CAST: variants seen among roughly 807,000 people sequenced by gnomAD.
CAST encodes calpastatin, also known as MIR583 host.
Under a neutral mutation model 119.6 loss-of-function variants are expected in CAST, and 76 were observed. The observed-to-expected ratio is 0.64, with a 90% CI of 0.53 to 0.77. The LOEUF is 0.77. Among genes scored for constraint, CAST ranks in the 30% least tolerant of loss-of-function variants. CAST has a pLI of 0.00. For missense variants in CAST, 953 were observed against 946.5 expected (o/e 1.01, Z -0.09); for synonymous variants, 319 against 331.6 (o/e 0.96, Z 0.41).
the CAST span, among the ~76,000 whole-genome samples, chr5:96,157,569 C>G: frequency 2.9e-4 from 44 of 152,282 alleles, no homozygotes; most frequent in African/African-American, 9.6e-4. Context: ...ATGCCACACC[C>G]ACAGCATACC....
At chr5:96,040,074 A>T in the CAST span, among the ~76,000 whole-genome samples, 2 of 152,224 alleles carry the variant, frequency 1.3e-5, no homozygotes, top group South Asian at 4.1e-4. Context: ...GTTCTCCTTG[A>T]AGAGATCCTT....
rs1390924882 is a variant in CAST at position 96,663,066 on chromosome 5, G to A, written c.75+569G>A. On this transcript the variant is annotated intron_variant, in intron 1 of 31. Coordinates refer to ENST00000675179, the MANE Select transcript of CAST (RefSeq NM_001750.7). Reference sequence around the variant, plus strand: ...CGGCCAAGCGGAGTGTGAGCCCGGCGCCTCCAACGCAACACCCCGCGCCCT... The same window carrying A: ...CGGCCAAGCGGAGTGTGAGCCCGGCACCTCCAACGCAACACCCCGCGCCCT... 1.3e-5 allele frequency: 9 copies of A among 700,998 alleles called. No individual in the cohort carries two copies. The Admixed American group carries it at 1.8e-4, about 14-fold the overall frequency. 43.4% of individuals were successfully genotyped at this position (700,998 alleles called of 1,614,324 possible).
chr5:96,297,362 A>G, the CAST span, among the ~76,000 whole-genome samples: 1 of 152,176 alleles, frequency 6.6e-6, no homozygotes, highest in African/African-American at 2.4e-5. Context: ...ACAATTTCTT[A>G]TTTCTACTCT....
chr5:96,140,980 T>C, the CAST span, among the ~76,000 whole-genome samples: 2 of 152,368 alleles, frequency 1.3e-5, no homozygotes, highest in South Asian at 2.1e-4. Flanking sequence ...AGCTGGATCT[T>C]CTTTAGTTAA....
At chr5:96,566,008 C>A (rs1192195445) in intron 1 of CAST, among the ~76,000 whole-genome samples, 5 of 152,090 alleles carry the variant, frequency 3.3e-5, no homozygotes, top group Admixed American at 6.5e-5. Flanking sequence ...AATCATCAGC[C>A]CTAGTATCCC....
the CAST span, among the ~76,000 whole-genome samples, chr5:96,107,352 C>T: frequency 6.3e-4 from 96 of 152,126 alleles, 1 homozygote; most frequent in Middle Eastern, 6.8e-3. Flanking sequence ...GATTTTGCAG[C>T]GGCTGGTGCC....
chr5:96,230,187 C>T, the CAST span, among the ~76,000 whole-genome samples: 1 of 152,118 alleles, frequency 6.6e-6, no homozygotes, highest in Non-Finnish European at 1.5e-5. Context: ...GGGTTTCTGA[C>T]TTCTTTCCTA....
At chr5:96,305,491 T>A in the CAST span, among the ~76,000 whole-genome samples, 28 of 152,206 alleles carry the variant, frequency 1.8e-4, no homozygotes, top group Non-Finnish European at 3.8e-4. Flanking sequence ...CAACGCTATG[T>A]TGAATAGGAG....
chr5:96,741,885 A>G (rs1001965078), intron 15 of CAST: 1 of 264,480 alleles, frequency 3.8e-6, no homozygotes, highest in Non-Finnish European at 7.3e-6. Flanking sequence ...TAAAACCTTC[A>G]AGTTTGATTG....
chr5:96,226,097 T>C, the CAST span, among the ~76,000 whole-genome samples: 3 of 152,294 alleles, frequency 2.0e-5, no homozygotes, highest in Admixed American at 2.0e-4. Context: ...ATAAAAATAG[T>C]GTCAATATGA....
intron 1 of CAST, among the ~76,000 whole-genome samples, chr5:96,597,794 C>A (rs1747078597): frequency 6.6e-6 from 1 of 152,076 alleles, no homozygotes; most frequent in Admixed American, 6.6e-5. Context: ...TCATTATAAC[C>A]CTGCTAAGTA....
the CAST span, among the ~76,000 whole-genome samples, chr5:96,074,705 C>G: frequency 6.6e-6 from 1 of 152,106 alleles, no homozygotes; most frequent in Admixed American, 6.5e-5. Flanking sequence ...TACCTTGGCT[C>G]TGAGATGGGG....
At chr5:96,188,634 C>A in the CAST span, among the ~76,000 whole-genome samples, 1 of 152,028 alleles carries the variant, frequency 6.6e-6, no homozygotes, top group African/African-American at 2.4e-5. Context: ...TCTTTCCCTC[C>A]CCCCTTTAAT....
chr5:95,991,552 C>A, the CAST span, among the ~76,000 whole-genome samples: 1 of 128,076 alleles, frequency 7.8e-6, no homozygotes, highest in African/African-American at 3.1e-5. Flanking sequence ...GTCACCCAGG[C>A]TAGAGTGTAA....
the CAST span, among the ~76,000 whole-genome samples, chr5:96,456,836 C>G: frequency 1.3e-5 from 2 of 152,126 alleles, no homozygotes; most frequent in Non-Finnish European, 2.9e-5. Flanking sequence ...GGGGGTAGTT[C>G]CCCCATCCTG....
the CAST span, among the ~76,000 whole-genome samples, chr5:96,422,947 A>G: frequency 1.4e-5 from 2 of 145,070 alleles, no homozygotes; most frequent in Non-Finnish European, 2.9e-5. Flanking sequence ...CTCATAAAAG[A>G]GGTGAGGAGG....
In CAST at chr5:96,767,978, A is replaced by C; in HGVS notation, c.2247A>C (p.Glu749Asp). 6.2e-7 allele frequency: 1 copy of C among 1,612,024 alleles called. No individual in the cohort carries two copies. Among genetic ancestry groups the C allele is most frequent in the Admixed American group, 1.7e-5 (1 of 59,982 alleles). Residue 749 changes from glutamate (E) to aspartate (D), a missense_variant, in exon 29 of 32, where the codon GAA becomes GAC. By Grantham distance (45) the Glu-to-Asp change is conservative. Coordinates refer to ENST00000675179, the MANE Select transcript of CAST (RefSeq NM_001750.7). Reference protein sequence around the residue: ...GDLDSCPSTTETSQNTAKDKC... With the variant: ...GDLDSCPSTTDTSQNTAKDKC... ...TGGACAGCTGTCCCTCCACTACAGA[A>C]ACCTCACAGAACACAGCAAAGGTAC...
the CAST span, among the ~76,000 whole-genome samples, chr5:96,098,063 G>GC: frequency 3.3e-5 from 5 of 152,122 alleles, no homozygotes; most frequent in Admixed American, 2.6e-4. Flanking sequence ...GTTTTGATTT[G>GC]CATTTCTCTA....
chr5:96,550,078 C>A (rs766980141), intron 1 of CAST, among the ~76,000 whole-genome samples: 8 of 152,246 alleles, frequency 5.3e-5, no homozygotes, highest in Non-Finnish European at 1.2e-4. Flanking sequence ...AGCGTATGAG[C>A]TCTGATAATG....
Sources: allele counts gnomAD v4.1 joint callset (sites outside exome capture counted in the v4.1 genomes callset), GRCh38; gene constraint gnomAD v4.1.1; transcripts MANE v1.5; gene names NCBI Gene and HGNC (gene_info 2026-07-23, HGNC 2026-07-21).